Variants in STIM2 observed in about 807,000 individuals in gnomAD.
STIM2 encodes stromal interaction molecule 2.
STIM2 carries 31 observed loss-of-function variants against 85.8 expected under a neutral mutation model. The observed-to-expected ratio is 0.36, with a 90% confidence interval of 0.27 to 0.49. The LOEUF is 0.49. Among genes scored for constraint, STIM2 ranks in the 20% least tolerant of loss-of-function variants. STIM2 has a pLI of 0.98. For missense variants in STIM2, 841 were observed against 927.6 expected (o/e 0.91, Z 1.21); for synonymous variants, 356 against 331.1 (o/e 1.08, Z -0.82).
At chr4:26,956,117 G>T (rs1260261835) in intron 2 of STIM2, among the ~76,000 whole-genome samples, 2 of 151,948 alleles carry the variant, frequency 1.3e-5, no homozygotes, top group African/African-American at 4.8e-5. Context: ...CTGCATTGTG[G>T]ACTTCTGAAA....
chr4:26,961,356 T>C (rs114872000), intron 3 of STIM2, among the ~76,000 whole-genome samples: 2,119 of 152,290 alleles, frequency 0.014, 48 homozygotes, highest in African/African-American at 0.049. Flanking sequence ...TGTGAAATGA[T>C]ACCATGTTTG....
chr4:26,882,146 G>A (rs1008254675), intron 1 of STIM2, among the ~76,000 whole-genome samples: 13 of 152,094 alleles, frequency 8.5e-5, no homozygotes, highest in African/African-American at 2.4e-4. Flanking sequence ...TTGTAACTGG[G>A]GGTTGAGATT....
intron 2 of STIM2, among the ~76,000 whole-genome samples, chr4:26,951,871 A>G (rs1217421474): frequency 1.3e-5 from 2 of 152,168 alleles, no homozygotes; most frequent in East Asian, 1.9e-4. Context: ...ATGGCAAGAA[A>G]CACTCAAGTG....
chr4:27,002,995 T>C lies in STIM2; in HGVS notation c.872T>C (p.Met291Thr). Reference sequence around the variant, plus strand: ...AAGCAAAATTTAGAGCGCAAAATGATGGATGAAATCAATTATGCAAAGGAG... The same window carrying C: ...AAGCAAAATTTAGAGCGCAAAATGACGGATGAAATCAATTATGCAAAGGAG... The change falls in exon 7 of 12, where the codon ATG becomes ACG. Residue 291 changes from methionine (M) to threonine (T), a missense_variant. Coordinates refer to ENST00000467087, the MANE Select transcript of STIM2 (RefSeq NM_020860.4). The C allele has an allele frequency of 6.2e-7, 1 of 1,600,974 alleles. No homozygotes were observed. The highest frequency in any genetic ancestry group is 1.1e-5 in the South Asian group (1 of 87,982).
intron 1 of STIM2, among the ~76,000 whole-genome samples, chr4:26,867,440 A>G (rs943540301): frequency 1.3e-5 from 2 of 152,222 alleles, no homozygotes; most frequent in Admixed American, 1.3e-4. Context: ...GACAAATAAA[A>G]CCAAACAACT....
chr4:26,879,154 C>T lies in STIM2; in HGVS notation c.151+17785C>T, dbSNP rs75975846. Among the ~76,000 whole-genome samples, 1,348 of 152,264 alleles carry T rather than the reference C, an allele frequency of 8.9e-3. 29 individuals carry two copies. The highest frequency in any genetic ancestry group is 0.031 in the African/African-American group (1,290 of 41,564). ...GTAAACTTTTCAATTACTTTTGTGACTCAGAAACTTACCTATAATTCTAGT... is the reference window on the plus strand; with the variant it reads ...GTAAACTTTTCAATTACTTTTGTGATTCAGAAACTTACCTATAATTCTAGT... On this transcript the variant is annotated intron_variant, in intron 1 of 11. Transcript: ENST00000467087.
At position 27,022,912 on chromosome 4, in the gene STIM2, C is replaced by T. The variant is rs1728961227; in HGVS notation, c.2157C>T (p.Ser719=). 4 of 1,614,198 alleles carry T rather than the reference C, an allele frequency of 2.5e-6. No homozygotes were observed. Among genetic ancestry groups the T allele is most frequent in the Non-Finnish European group, 3.4e-6 (4 of 1,180,038 alleles). ...CCCCAAGTGTTGCCAGAATAAGCAG[C>T]ATCCCACATGACCTTTGTCATAATG... Residue 719 remains serine, a synonymous_variant, in exon 12 of 12, where the codon AGC becomes AGT. Coordinates refer to ENST00000467087, the MANE Select transcript of STIM2 (RefSeq NM_020860.4).
intron 3 of STIM2, among the ~76,000 whole-genome samples, chr4:26,959,090 C>T (rs1485018106): frequency 6.6e-6 from 1 of 152,140 alleles, no homozygotes; most frequent in Non-Finnish European, 1.5e-5. Flanking sequence ...TCTTCTTCAC[C>T]TAGCAGAGTA....
intron 1 of STIM2, among the ~76,000 whole-genome samples, chr4:26,891,442 C>T (rs1321152786): frequency 6.6e-6 from 1 of 152,088 alleles, no homozygotes; most frequent in Admixed American, 6.5e-5. Context: ...AGATTTCAGA[C>T]TTGTCAGCCT....
intron 1 of STIM2, among the ~76,000 whole-genome samples, chr4:26,886,216 G>A (rs1723241813): frequency 6.6e-6 from 1 of 152,044 alleles, no homozygotes; most frequent in African/African-American, 2.4e-5. Flanking sequence ...TTTCTGTGTA[G>A]GAGCATATTC....
chr4:26,935,423 C>T (rs533622885), intron 2 of STIM2, among the ~76,000 whole-genome samples: 2 of 152,160 alleles, frequency 1.3e-5, no homozygotes, highest in South Asian at 4.2e-4. Flanking sequence ...GTTAGGGCCA[C>T]CCTAATACTT....
chr4:26,985,392 A>G (rs535417076), intron 3 of STIM2, among the ~76,000 whole-genome samples: 1 of 152,308 alleles, frequency 6.6e-6, no homozygotes, highest in African/African-American at 2.4e-5. Context: ...GTAACTTGTA[A>G]CACTCAATTG....
intron 10 of STIM2, among the ~76,000 whole-genome samples, chr4:27,016,511 C>T (rs1230213366): frequency 6.6e-6 from 1 of 152,192 alleles, no homozygotes; most frequent in Non-Finnish European, 1.5e-5. Flanking sequence ...CTTTGGAATA[C>T]AGTTTCATAG....
intron 3 of STIM2, among the ~76,000 whole-genome samples, chr4:26,970,153 C>T (rs570907357): frequency 6.8e-6 from 1 of 147,720 alleles, no homozygotes; most frequent in South Asian, 2.1e-4. Flanking sequence ...ATAGCTGCTT[C>T]TGTATCCAAT....
At chr4:27,021,394 C>G (rs1306250928) in intron 11 of STIM2, 1 of 444,306 alleles carries the variant, frequency 2.3e-6, no homozygotes, top group Non-Finnish European at 4.5e-6. Flanking sequence ...CCTGCGTACC[C>G]TGGAGAAGTA....
intron 2 of STIM2, among the ~76,000 whole-genome samples, chr4:26,951,510 G>T (rs1726050741): frequency 6.6e-6 from 1 of 152,082 alleles, no homozygotes; most frequent in African/African-American, 2.4e-5. Context: ...TTTGTGTTCA[G>T]TGCCTTGTGT....
chr4:26,965,914 C>T (rs559451508), intron 3 of STIM2, among the ~76,000 whole-genome samples: 2 of 152,242 alleles, frequency 1.3e-5, no homozygotes, highest in South Asian at 2.1e-4. Flanking sequence ...TGTAGGAACA[C>T]GTGAAATAAA....
rs185174238 is a variant in STIM2, at chr4:26,890,022, C to T, written c.151+28653C>T. Among the ~76,000 whole-genome samples the T allele has an allele frequency of 2.6e-5, 4 of 152,270 alleles. No individual in the cohort carries two copies. In the East Asian group the frequency reaches 7.7e-4, roughly 29 times the overall value. ...TATGAATTGGTGTACACGGTGGCAC[C>T]TCTGGCCATTTCTTCTTCCAAGCAA... is the stretch of plus-strand genomic sequence containing the variant. On this transcript the variant is annotated intron_variant, in intron 1 of 11. Transcript: ENST00000467087.
chr4:26,874,419 T>C (rs1206764978), intron 1 of STIM2: 2 of 195,384 alleles, frequency 1.0e-5, no homozygotes, highest in Non-Finnish European at 2.1e-5. Flanking sequence ...CGCCAAGTAC[T>C]GTAAAGTACT....
Sources: gnomAD v4.1 joint callset for allele counts (sites outside exome capture counted in the v4.1 genomes callset) on GRCh38, gnomAD v4.1.1 for gene constraint, MANE v1.5 for transcripts, NCBI Gene and HGNC (gene_info 2026-07-23, HGNC 2026-07-21) for gene names.